ACER2: variants seen among roughly 807,000 people sequenced by gnomAD.
ACER2 encodes the protein alkaline ceramidase 2, also known as alkCDase 2.
Under a neutral mutation model 34.7 loss-of-function variants are expected in ACER2, and 26 were observed. That is an observed-to-expected ratio of 0.75 (90% confidence interval 0.55 to 1.04). The LOEUF (loss-of-function observed/expected upper bound fraction) is 1.04, where lower values mean the gene tolerates loss of function less well. ACER2 is among the 50% of genes least tolerant of loss of function. ACER2 has a pLI of 0.00. For synonymous variants in ACER2, 138 were observed against 132.1 expected, an observed-to-expected ratio of 1.04 and a Z score of -0.31; for missense variants, 352 against 340.8, an observed-to-expected ratio of 1.03 and a Z score of -0.26.
intron 4 of ACER2, chr9:19,446,041 T>C (rs1306267717): frequency 2.9e-6 from 2 of 682,482 alleles, no homozygotes; most frequent in Non-Finnish European, 5.4e-6. Context: ...AAAAATGTAG[T>C]TGGGTGTATG....
intron 1 of ACER2, among the ~76,000 whole-genome samples, chr9:19,414,194 C>T (rs867824889): frequency 2.6e-5 from 4 of 152,154 alleles, no homozygotes; most frequent in South Asian, 2.1e-4. Context: ...AAGCAAACCA[C>T]GACAGTTGGT....
At chr9:19,412,053 A>G (rs4428750) in intron 1 of ACER2, among the ~76,000 whole-genome samples, 23,812 of 152,204 alleles carry the variant, frequency 0.16, 1,918 homozygotes, top group South Asian at 0.26. Flanking sequence ...TCTTGAAGCT[A>G]TAAGTGCCAC....
In ACER2 at chr9:19,434,994, GC is replaced by G. The variant is rs765248094; in HGVS notation, c.415del (p.Leu139TrpfsTer13). The stretch of plus-strand genomic sequence containing the variant: ...AGTGTCCTGTCTGCGGTTACGACGT[GC>G]CTGGCATTTGTCAAGCCTGCCATCA... Reference protein sequence around the residue: ...VVSVLSAVTTCLAFVKPAINN... With the variant: ...VVSVLSAVTTXLAFVKPAINN... On this transcript the variant is annotated frameshift_variant, in exon 4 of 6. Transcript: ENST00000340967. LOFTEE classifies it high-confidence loss of function. The G allele has an allele frequency of 1.2e-6, 2 of 1,614,040 alleles. No individual in the cohort carries two copies. Among genetic ancestry groups the G allele is most frequent in the African/African-American group, 2.7e-5 (2 of 74,914 alleles).
At chr9:19,430,963 A>G (rs1815444187) in intron 3 of ACER2, among the ~76,000 whole-genome samples, 1 of 151,660 alleles carries the variant, frequency 6.6e-6, no homozygotes, top group African/African-American at 2.4e-5. Context: ...GTCTCAAAAA[A>G]AACAAAAAAA....
At chr9:19,417,559 G>A (rs557949885) in intron 1 of ACER2, among the ~76,000 whole-genome samples, 82 of 152,218 alleles carry the variant, frequency 5.4e-4, no homozygotes, top group African/African-American at 1.9e-3. Flanking sequence ...CAGAAATAAT[G>A]TCACACATCT....
chr9:19,410,986 C>T (rs1250110084), intron 1 of ACER2, among the ~76,000 whole-genome samples: 1 of 152,206 alleles, frequency 6.6e-6, no homozygotes, highest in Non-Finnish European at 1.5e-5. Flanking sequence ...CAAGATTATT[C>T]TCTGTGCAGC....
At chr9:19,409,753 G>GTT (rs199667106) in intron 1 of ACER2, 1 of 964,600 alleles carries the variant, frequency 1.0e-6, no homozygotes, top group Non-Finnish European at 1.2e-6. Context: ...ATTACTACTT[G>GTT]TTTTTTTTTC....
At chr9:19,430,230 T>C (rs1006199075) in intron 3 of ACER2, among the ~76,000 whole-genome samples, 1 of 152,044 alleles carries the variant, frequency 6.6e-6, no homozygotes, top group Non-Finnish European at 1.5e-5. Flanking sequence ...AAACCACTAC[T>C]TTAAAGGGTA....
At chr9:19,434,599 C>T (rs546646014) in intron 3 of ACER2, among the ~76,000 whole-genome samples, 9 of 152,344 alleles carry the variant, frequency 5.9e-5, no homozygotes, top group Non-Finnish European at 1.0e-4. Flanking sequence ...AGCGAAACCC[C>T]GTCTCCACCA....
chr9:19,443,516 C>A (rs1225218859), intron 4 of ACER2, among the ~76,000 whole-genome samples: 1 of 152,110 alleles, frequency 6.6e-6, no homozygotes, highest in East Asian at 1.9e-4. Flanking sequence ...TACAAATTAC[C>A]AAATTAGGGT....
chr9:19,413,314 C>T (rs879737222), intron 1 of ACER2, among the ~76,000 whole-genome samples: 1 of 152,076 alleles, frequency 6.6e-6, no homozygotes, highest in African/African-American at 2.4e-5. Flanking sequence ...TTTAAGACCC[C>T]CTGGCTGGGC....
intron 1 of ACER2, among the ~76,000 whole-genome samples, chr9:19,421,319 C>T (rs1196367016): frequency 6.6e-6 from 1 of 152,102 alleles, no homozygotes; most frequent in Non-Finnish European, 1.5e-5. Flanking sequence ...GGGGGTGACA[C>T]ATTCAGACCA....
rs1238933903 is a variant in ACER2, at chr9:19,451,207, C to T, written c.*571C>T. 6.6e-6 allele frequency: 1 copy of T among 152,342 alleles called. No homozygotes were observed. The highest frequency in any genetic ancestry group is 1.5e-5 in the Non-Finnish European group (1 of 68,146). 9.4% of individuals were successfully genotyped at this position (152,342 alleles called of 1,614,324 possible). A position where few individuals can be genotyped will look rare whatever the true frequency, so the allele number is the denominator to read the frequency against. On this transcript the variant is annotated 3_prime_UTR_variant, in exon 6 of 6. Transcript: ENST00000340967. ...TCTCTTCCTGGAGAAAGCTGGCCTG[C>T]TCCAGACCCCACCATTCCCAGGCGC... is the stretch of plus-strand genomic sequence containing the variant.
chr9:19,448,133 C>G (rs1327233919), intron 5 of ACER2, among the ~76,000 whole-genome samples: 1 of 151,758 alleles, frequency 6.6e-6, no homozygotes, highest in Non-Finnish European at 1.5e-5. Context: ...TCACCCCCTG[C>G]AGGGAGCTGG....
chr9:19,410,620 G>T (rs1304512400), intron 1 of ACER2, among the ~76,000 whole-genome samples: 1 of 152,316 alleles, frequency 6.6e-6, no homozygotes, highest in African/African-American at 2.4e-5. Flanking sequence ...TGAGGTGGGA[G>T]GATCACCTGA....
At position 19,450,624 on chromosome 9, in the gene ACER2, C is replaced by T; in HGVS notation, c.816C>T (p.Val272=). The change falls in exon 6 of 6, where the codon GTC becomes GTT. Residue 272 remains valine, a synonymous_variant. Coordinates refer to ENST00000340967, the MANE Select transcript of ACER2 (RefSeq NM_001010887.3). ...TGTGTGCCAACAAGAAATCATCAGT[C>T]AAGATCACGTGATGGCAAGATGGTG... ...SLLCANKKSS[V]KIT 6.4e-7 allele frequency: 1 copy of T among 1,565,820 alleles called. No homozygotes were observed. Among genetic ancestry groups the T allele is most frequent in the Non-Finnish European group, 8.7e-7 (1 of 1,142,908 alleles).
At chr9:19,426,991 G>T (rs941695178) in intron 3 of ACER2, among the ~76,000 whole-genome samples, 3 of 152,226 alleles carry the variant, frequency 2.0e-5, no homozygotes, top group South Asian at 2.1e-4. Flanking sequence ...AAGATGTGAA[G>T]ATATAGCCAC....
intron 1 of ACER2, among the ~76,000 whole-genome samples, chr9:19,410,850 A>G (rs1296522171): frequency 6.6e-6 from 1 of 152,230 alleles, no homozygotes; most frequent in Non-Finnish European, 1.5e-5. Context: ...GGTACTTTCA[A>G]TAAGGAGAAA....
At chr9:19,431,658 G>A (rs1252391657) in intron 3 of ACER2, among the ~76,000 whole-genome samples, 1 of 152,150 alleles carries the variant, frequency 6.6e-6, no homozygotes, top group Non-Finnish European at 1.5e-5. Flanking sequence ...GCCGAGGCCA[G>A]GAGAAAAACA....
Sources: allele counts gnomAD v4.1 joint callset (sites outside exome capture counted in the v4.1 genomes callset), GRCh38; gene constraint gnomAD v4.1.1; transcripts MANE v1.5; gene names NCBI Gene and HGNC (gene_info 2026-07-23, HGNC 2026-07-21).